The following EPB41L4A variants were observed in gnomAD, a reference collection of about 807,000 sequenced individuals.
EPB41L4A encodes the protein erythrocyte membrane protein band 4.1 like 4A, also known as band 4.1-like protein 4A.
In EPB41L4A, 100 loss-of-function variants were observed where a neutral mutation model predicts 108.6. The observed-to-expected ratio is 0.92, with a 90% CI of 0.78 to 1.09. The LOEUF (loss-of-function observed/expected upper bound fraction) is 1.09, where lower values mean the gene tolerates loss of function less well. Among genes scored for constraint, EPB41L4A ranks in the 50% least tolerant of loss-of-function variants. EPB41L4A has a pLI of 0.00. For missense variants in EPB41L4A, 1,030 were observed against 842.7 expected (o/e 1.22, Z -2.75); for synonymous variants, 319 against 289.0 (o/e 1.10, Z -1.05).
At chr5:112,221,166 G>A (rs994016070) in intron 12 of EPB41L4A, among the ~76,000 whole-genome samples, 3 of 152,076 alleles carry the variant, frequency 2.0e-5, no homozygotes, top group African/African-American at 7.2e-5. Context: ...TTGCATACAC[G>A]AGCCTGAAAT....
At chr5:112,271,077 C>A (rs1024639494) in intron 4 of EPB41L4A, among the ~76,000 whole-genome samples, 1 of 152,190 alleles carries the variant, frequency 6.6e-6, no homozygotes, top group Non-Finnish European at 1.5e-5. Context: ...CTGGTCACCA[C>A]TGAAACTCCT....
intron 2 of EPB41L4A, among the ~76,000 whole-genome samples, chr5:112,304,832 T>C (rs2089504510): frequency 6.6e-6 from 1 of 152,162 alleles, no homozygotes; most frequent in African/African-American, 2.4e-5. Flanking sequence ...TTATTGTCAA[T>C]TTACGATAAG....
At chr5:112,305,624 TCATTA>T (rs999869331) in intron 2 of EPB41L4A, among the ~76,000 whole-genome samples, 2 of 152,162 alleles carry the variant, frequency 1.3e-5, no homozygotes, top group African/African-American at 4.8e-5. Flanking sequence ...GTACAAAATT[TCATTA>T]CATTATTCTC....
At chr5:112,344,762 TCACTGGCAAGCC>T (rs758431915) in intron 1 of EPB41L4A, among the ~76,000 whole-genome samples, 29 of 152,188 alleles carry the variant, frequency 1.9e-4, no homozygotes, top group Admixed American at 5.9e-4. Flanking sequence ...GAAGTCAGAC[TCACTGGCAAGCC>T]CACACAATCA....
At chr5:112,313,858 CTT>C (rs1188991050) in intron 1 of EPB41L4A, among the ~76,000 whole-genome samples, 12 of 89,460 alleles carry the variant, frequency 1.3e-4, no homozygotes, top group African/African-American at 2.3e-4. Flanking sequence ...AGGTAACTTT[CTT>C]TTTTTTTTTT....
intron 4 of EPB41L4A, among the ~76,000 whole-genome samples, chr5:112,274,304 T>G (rs1487047261): frequency 1.3e-5 from 2 of 151,982 alleles, no homozygotes; most frequent in Non-Finnish European, 2.9e-5. Flanking sequence ...AAATACAGAT[T>G]ATGAAATATA....
intron 12 of EPB41L4A, among the ~76,000 whole-genome samples, chr5:112,149,862 T>G (rs868433744): frequency 6.6e-6 from 1 of 152,158 alleles, no homozygotes; most frequent in Non-Finnish European, 1.5e-5. Flanking sequence ...CTCACCCCAG[T>G]GGCTTATTGC....
At chr5:112,244,914 G>T (rs147462315) in intron 9 of EPB41L4A, among the ~76,000 whole-genome samples, 1 of 152,028 alleles carries the variant, frequency 6.6e-6, no homozygotes, top group Non-Finnish European at 1.5e-5. Flanking sequence ...CTTAGCTCCT[G>T]TATCATTATA....
At chr5:112,195,633 GA>G (rs745574963) in intron 16 of EPB41L4A, 27 bp downstream of exon 16, 1 of 1,580,844 alleles carries the variant, frequency 6.3e-7, no homozygotes, top group African/African-American at 1.3e-5. Flanking sequence ...TCTTCCCTCT[GA>G]CTGTCCTTCC....
At chr5:112,409,745 C>G (rs967230060) in intron 1 of EPB41L4A, among the ~76,000 whole-genome samples, 7 of 152,130 alleles carry the variant, frequency 4.6e-5, no homozygotes, top group Non-Finnish European at 7.4e-5. Context: ...TCCATCCCTA[C>G]TAACAGCTGC....
chr5:112,247,606 C>G (rs1337954124), intron 9 of EPB41L4A, among the ~76,000 whole-genome samples: 4 of 152,090 alleles, frequency 2.6e-5, no homozygotes, highest in Non-Finnish European at 4.4e-5. Context: ...ATAAAAATAT[C>G]AAAACTTATT....
At chr5:112,379,893 T>G (rs17345175) in intron 1 of EPB41L4A, among the ~76,000 whole-genome samples, 17,650 of 152,232 alleles carry the variant, frequency 0.12, 1,203 homozygotes, top group Non-Finnish European at 0.15. Flanking sequence ...AGAAAGACAC[T>G]ATGAGCCACC....
chr5:112,160,675 G>T (rs1313142819), downstream of EPB41L4A: 1 of 153,940 alleles, frequency 6.5e-6, no homozygotes, highest in African/African-American at 2.4e-5. Context: ...AGGTGACTCG[G>T]GCTGAGAACC....
At chr5:112,186,193 G>A (rs1761419471) in intron 17 of EPB41L4A, among the ~76,000 whole-genome samples, 1 of 152,184 alleles carries the variant, frequency 6.6e-6, no homozygotes, top group Non-Finnish European at 1.5e-5. Context: ...AATGTGAAAT[G>A]TTTGTGTCAG....
chr5:112,309,605 T>C (rs1754916656), intron 1 of EPB41L4A, among the ~76,000 whole-genome samples: 1 of 152,084 alleles, frequency 6.6e-6, no homozygotes, highest in Non-Finnish European at 1.5e-5. Context: ...CCAAATGCCC[T>C]CCCTCCCCCA....
At position 112,396,604 on chromosome 5, in the gene EPB41L4A, C is replaced by A. The variant is rs536543494; in HGVS notation, c.99+22337G>T. On this transcript the variant is annotated intron_variant, in intron 1 of 22. Coordinates refer to ENST00000261486, the MANE Select transcript of EPB41L4A (RefSeq NM_022140.5). ...TCAGAGTATCAGCCAGGGCTGCAGT[C>A]CATTGAAGGGTCAAATTCCAAAGTA... 3.3e-5 allele frequency among the ~76,000 whole-genome samples: 5 copies of A among 152,300 alleles called. No individual in the cohort carries two copies. The South Asian group carries it at 1.0e-3, about 32-fold the overall frequency.
At chr5:112,248,045 G>A (rs909953401) in intron 9 of EPB41L4A, among the ~76,000 whole-genome samples, 1 of 152,134 alleles carries the variant, frequency 6.6e-6, no homozygotes, top group African/African-American at 2.4e-5. Context: ...AATTATTTCT[G>A]CCAAGTACAA....
chr5:112,367,925 A>G (rs926982973), intron 1 of EPB41L4A, among the ~76,000 whole-genome samples: 2 of 152,212 alleles, frequency 1.3e-5, no homozygotes, highest in Non-Finnish European at 2.9e-5. Flanking sequence ...GAATCTTTGC[A>G]GTGCTGTGGC....
At chr5:112,268,574 G>C (rs1365373684) in intron 4 of EPB41L4A, among the ~76,000 whole-genome samples, 2 of 151,918 alleles carry the variant, frequency 1.3e-5, no homozygotes, top group Non-Finnish European at 2.9e-5. Flanking sequence ...AAGACTTTGT[G>C]CACAGTGGTT....
Sources: allele counts gnomAD v4.1 joint callset (sites outside exome capture counted in the v4.1 genomes callset), GRCh38; gene constraint gnomAD v4.1.1; transcripts MANE v1.5; gene names NCBI Gene and HGNC (gene_info 2026-07-23, HGNC 2026-07-21).